HSPA4: variants seen among roughly 807,000 people sequenced by gnomAD.
HSPA4 encodes heat shock 70 kDa protein 4.
Under a neutral mutation model 106.2 loss-of-function variants are expected in HSPA4, and 25 were observed. That is an observed-to-expected ratio of 0.24 (90% CI 0.17 to 0.33). The LOEUF (loss-of-function observed/expected upper bound fraction) is 0.33. HSPA4 is among the 10% of genes least tolerant of loss of function. The probability of loss-of-function intolerance (pLI) is 1.00; values close to 1 mark genes in which losing one functional copy is unlikely to be tolerated. For synonymous variants in HSPA4, 332 were observed against 333.6 expected (o/e 1.00, Z 0.05); for missense variants, 841 against 996.0 (o/e 0.84, Z 2.10).
rs762583973 is a variant in HSPA4 at position 133,052,213 on chromosome 5, G to C, written c.-38G>C. Reference sequence around the variant, plus strand: ...CGGGGGTCCGTGTCCTGTCTCGGTGGCCGGACCCGGGCCCGAGCCCGAGCA... The same window carrying C: ...CGGGGGTCCGTGTCCTGTCTCGGTGCCCGGACCCGGGCCCGAGCCCGAGCA... On this transcript the variant is annotated 5_prime_UTR_variant, in exon 1 of 19. Transcript: ENST00000304858. The C allele has an allele frequency of 1.4e-6, 2 of 1,437,924 alleles. No homozygotes were observed. Among genetic ancestry groups the C allele is most frequent in the Non-Finnish European group, 1.9e-6 (2 of 1,053,800 alleles). 89.1% of individuals were successfully genotyped at this position (1,437,924 alleles called of 1,614,324 possible).
At chr5:133,069,624 A>C (rs1382364067) in intron 3 of HSPA4, among the ~76,000 whole-genome samples, 1 of 152,206 alleles carries the variant, frequency 6.6e-6, no homozygotes, top group Non-Finnish European at 1.5e-5. Flanking sequence ...TATGGCAGTG[A>C]ACAATCAGAC....
intron 15 of HSPA4, 112 bp downstream of exon 15, chr5:133,097,398 G>T: frequency 5.5e-6 from 5 of 902,130 alleles, no homozygotes; most frequent in South Asian, 5.6e-5. Context: ...TAAAAATGGA[G>T]TTTTTCTGGG....
chr5:133,086,712 C>T, intron 7 of HSPA4, 70 bp from the exon 8 acceptor site: 1 of 1,036,504 alleles, frequency 9.6e-7, no homozygotes, highest in Non-Finnish European at 1.5e-6. Flanking sequence ...TTATTATAGC[C>T]ATCCATTCCA....
At chr5:133,077,321 C>G (rs1765457864) in intron 7 of HSPA4, among the ~76,000 whole-genome samples, 1 of 152,110 alleles carries the variant, frequency 6.6e-6, no homozygotes, top group South Asian at 2.1e-4. Context: ...TCACTGCAAC[C>G]TCCACCCCCA....
intron 1 of HSPA4, among the ~76,000 whole-genome samples, chr5:133,054,166 G>T (rs974013293): frequency 2.0e-5 from 3 of 152,052 alleles, no homozygotes; most frequent in Non-Finnish European, 4.4e-5. Flanking sequence ...CCTTTGCTGA[G>T]TTTAGTCTTG....
intron 1 of HSPA4, among the ~76,000 whole-genome samples, chr5:133,059,176 G>A (rs1765204641): frequency 6.6e-6 from 1 of 151,330 alleles, no homozygotes; most frequent in Non-Finnish European, 1.5e-5. Flanking sequence ...GGCTGGGTGT[G>A]GTGGCTCGTG....
At chr5:133,098,908 A>T (rs1043159424) in intron 15 of HSPA4, among the ~76,000 whole-genome samples, 1 of 151,576 alleles carries the variant, frequency 6.6e-6, no homozygotes, top group Non-Finnish European at 1.5e-5. Flanking sequence ...ACCTCAGGTG[A>T]TCCACCCGCC....
chr5:133,083,977 T>G (rs1298718648), intron 7 of HSPA4, among the ~76,000 whole-genome samples: 2 of 152,246 alleles, frequency 1.3e-5, no homozygotes, highest in African/African-American at 2.4e-5. Flanking sequence ...CATTGTTTTT[T>G]GGATATATTT....
At chr5:133,086,021 C>A (rs951958143) in intron 7 of HSPA4, among the ~76,000 whole-genome samples, 2 of 152,062 alleles carry the variant, frequency 1.3e-5, no homozygotes, top group African/African-American at 4.8e-5. Context: ...TCTCTGTAGA[C>A]CTAAAACATC....
intron 7 of HSPA4, among the ~76,000 whole-genome samples, chr5:133,085,376 G>A (rs1765564638): frequency 6.6e-6 from 1 of 151,516 alleles, no homozygotes; most frequent in Admixed American, 6.6e-5. Flanking sequence ...CAGACGACCG[G>A]GTGCGATGGC....
chr5:133,098,916 G>A (rs142221475), intron 15 of HSPA4, among the ~76,000 whole-genome samples: 12 of 151,886 alleles, frequency 7.9e-5, no homozygotes, highest in African/African-American at 2.4e-4. Flanking sequence ...TGATCCACCC[G>A]CCTCAGCCTC....
rs1765854257 is a variant in HSPA4, at chr5:133,106,096, A to G, written c.*1660A>G. On this transcript the variant is annotated 3_prime_UTR_variant, in exon 19 of 19. Transcript: ENST00000304858. ...GTAATGGCCATTTCTTCTTAAAAAA[A>G]AAAAAATTTTTTTTTTTTTTTTTTT... The G allele has an allele frequency of 8.3e-6, 1 of 120,800 alleles. No individual in the cohort carries two copies. The highest frequency in any genetic ancestry group is 8.3e-5 in the Admixed American group (1 of 11,986). 7.5% of individuals were successfully genotyped at this position (120,800 alleles called of 1,614,324 possible).
intron 13 of HSPA4, among the ~76,000 whole-genome samples, chr5:133,094,359 A>C (rs1765685465): frequency 6.6e-6 from 1 of 152,220 alleles, no homozygotes; most frequent in South Asian, 2.1e-4. Flanking sequence ...GACATTTAAA[A>C]AAGTTGGACA....
rs141476890 is a variant in HSPA4 at position 133,092,887 on chromosome 5, C to A, written c.1650+98C>A. The A allele has an allele frequency of 0.018, 11,783 of 671,310 alleles. 1,293 individuals are homozygous for A. The East Asian group carries it at 0.26, about 15-fold the overall frequency. The allele number at this position is 671,310 out of a possible 1,614,324, so 41.6% of individuals were successfully genotyped here. A position where few individuals can be genotyped will look rare whatever the true frequency, so the allele number is the denominator to read the frequency against. ...CCAGGCTGGAGTGCAGTGACATGAT[C>A]TCGGCTCGCTGCATCCTCCACCTCC... On this transcript the variant is annotated intron_variant, in intron 13 of 18. Coordinates refer to ENST00000304858, the MANE Select transcript of HSPA4 (RefSeq NM_002154.4).
intron 8 of HSPA4, 54 bp downstream of exon 8, chr5:133,086,912 G>C (rs1169791811): frequency 1.5e-6 from 2 of 1,298,514 alleles, no homozygotes; most frequent in Non-Finnish European, 2.2e-6. Flanking sequence ...TTTGGAAATT[G>C]TTATTTATTA....
intron 15 of HSPA4, among the ~76,000 whole-genome samples, chr5:133,097,751 G>T (rs1765732527): frequency 6.6e-6 from 1 of 151,618 alleles, no homozygotes; most frequent in African/African-American, 2.4e-5. Flanking sequence ...ATTTCTCCAT[G>T]TTGATCAGGC....
At chr5:133,058,550 T>C (rs1293659617) in intron 1 of HSPA4, among the ~76,000 whole-genome samples, 3 of 150,832 alleles carry the variant, frequency 2.0e-5, no homozygotes, top group Non-Finnish European at 3.0e-5. Context: ...TGGTGGTGCA[T>C]GCCTGTAATC....
At chr5:133,089,491 A>T (rs1344140736) in intron 10 of HSPA4, 71 bp from the exon 11 acceptor site, 1 of 1,386,778 alleles carries the variant, frequency 7.2e-7, no homozygotes, top group Non-Finnish European at 1.0e-6. Context: ...AATAATTACA[A>T]ACCTAGAACA....
In HSPA4 at chr5:133,066,193, C is replaced by T. The variant is rs546133893; in HGVS notation, c.165+1156C>T. On this transcript the variant is annotated intron_variant, in intron 2 of 18. Transcript: ENST00000304858. ...CTGGCTGCCCAGTTCTAGGTTGATA[C>T]AGTTATTGTGTTACAGAGTTTCTGT... 3.7e-3 allele frequency among the ~76,000 whole-genome samples: 557 copies of T among 152,230 alleles called. 2 individuals carry two copies. Among genetic ancestry groups the T allele is most frequent in the African/African-American group, 0.013 (542 of 41,518 alleles).
Sources: gnomAD v4.1 joint callset for allele counts (sites outside exome capture counted in the v4.1 genomes callset) on GRCh38, gnomAD v4.1.1 for gene constraint, MANE v1.5 for transcripts, NCBI Gene and HGNC (gene_info 2026-07-23, HGNC 2026-07-21) for gene names.